The following ADAMTS6 variants were observed in gnomAD, a reference collection of about 807,000 sequenced individuals.
The protein encoded by ADAMTS6 is A disintegrin and metalloproteinase with thrombospondin motifs 6.
In ADAMTS6, 23 loss-of-function variants were observed where a neutral mutation model predicts 144.3. The observed-to-expected ratio is 0.16, with a 90% CI of 0.11 to 0.23. The LOEUF (loss-of-function observed/expected upper bound fraction) is 0.23. ADAMTS6 is among the 10% of genes least tolerant of loss of function. The pLI is 1.00. For missense variants in ADAMTS6, 999 were observed against 1,379.6 expected (o/e 0.72, Z 4.37); for synonymous variants, 444 against 457.5 (o/e 0.97, Z 0.38).
At chr5:65,395,031 G>T (rs752460806) in intron 7 of ADAMTS6, among the ~76,000 whole-genome samples, 1 of 152,026 alleles carries the variant, frequency 6.6e-6, no homozygotes, top group Non-Finnish European at 1.5e-5. Flanking sequence ...AGGGGAAAAA[G>T]TATTTAATTC....
chr5:65,455,676 A>G (rs867074027), intron 4 of ADAMTS6, among the ~76,000 whole-genome samples: 2 of 151,936 alleles, frequency 1.3e-5, no homozygotes, highest in African/African-American at 4.8e-5. Flanking sequence ...GGTGGCACAC[A>G]TCTGTAGTCC....
intron 9 of ADAMTS6, among the ~76,000 whole-genome samples, chr5:65,325,265 A>T (rs1310305959): frequency 6.6e-6 from 1 of 152,194 alleles, no homozygotes; most frequent in East Asian, 1.9e-4. Flanking sequence ...AACCATATAC[A>T]GAATGGGTGC....
At chr5:65,470,200 A>G (rs1359329850) in intron 3 of ADAMTS6, among the ~76,000 whole-genome samples, 1 of 152,240 alleles carries the variant, frequency 6.6e-6, no homozygotes, top group Non-Finnish European at 1.5e-5. Context: ...CTGGGATTAC[A>G]GACATGAGCC....
In ADAMTS6 at chr5:65,214,964, A is replaced by G; in HGVS notation, c.2437-32T>C. 6.3e-7 allele frequency: 1 copy of G among 1,598,342 alleles called. No individual in the cohort carries two copies. The highest frequency in any genetic ancestry group is 8.5e-7 in the Non-Finnish European group (1 of 1,172,780). ...TTGAAAACAACTGGTGAAGACAATT[A>G]AAATACAATGAGCCTTCATTCAGAT... On this transcript the variant is annotated intron_variant, in intron 19 of 24. Coordinates refer to ENST00000381055, the MANE Select transcript of ADAMTS6 (RefSeq NM_197941.4). The surrounding 1 kb of genome is among the most constrained non-coding windows in gnomAD (Gnocchi z 4.6).
chr5:65,170,673 G>A lies in ADAMTS6; in HGVS notation c.3188C>T (p.Pro1063Leu), dbSNP rs950163061. ...SSDCLETVRP[P>L]SMQQCESKCD... ...TTTGCTTTCACACTGCTGCATTGAT[G>A]GAGGCCGAACAGTTTCTAGACAGTC... Residue 1063 changes from proline (P) to leucine (L), a missense_variant, in exon 24 of 25, where the codon CCA (proline) becomes CTA (leucine). Pro to Leu is a moderately conservative substitution (Grantham distance 98, BLOSUM62 -3). This residue lies in a region of ADAMTS6 where 619 missense variants were observed against 837.0 expected (regional missense o/e 0.74). Transcript: ENST00000381055. The A allele has an allele frequency of 3.1e-6, 5 of 1,614,092 alleles. No homozygotes were observed. The highest frequency in any genetic ancestry group is 1.7e-4 in the Middle Eastern group (1 of 6,060).
chr5:65,319,517 C>CAAAA (rs773263244), intron 9 of ADAMTS6, among the ~76,000 whole-genome samples: 1 of 124,574 alleles, frequency 8.0e-6, no homozygotes, highest in Non-Finnish European at 1.7e-5. Flanking sequence ...CCATATCTAC[C>CAAAA]AAAAAAAAAA....
At position 65,397,968 on chromosome 5, in the gene ADAMTS6, A is replaced by G. The variant is rs184643007; in HGVS notation, c.1073+53507T>C. Among the ~76,000 whole-genome samples, 10 of 151,856 alleles carry G rather than the reference A, an allele frequency of 6.6e-5. No homozygotes were observed. The East Asian group carries it at 1.9e-3, about 29-fold the overall frequency. ...CTTGCTGTGATTGATTTCTAGATTAATTCCATGTGGTTTGAGAACAGATAT... is the reference window on the plus strand; with the variant it reads ...CTTGCTGTGATTGATTTCTAGATTAGTTCCATGTGGTTTGAGAACAGATAT... On this transcript the variant is annotated intron_variant, in intron 7 of 24. Coordinates refer to ENST00000381055, the MANE Select transcript of ADAMTS6 (RefSeq NM_197941.4).
chr5:65,370,402 A>C (rs772063595), intron 7 of ADAMTS6, among the ~76,000 whole-genome samples: 3 of 152,154 alleles, frequency 2.0e-5, no homozygotes, highest in Non-Finnish European at 2.9e-5. Context: ...CAGCGCGCGC[A>C]GGTCAGTGGG....
At chr5:65,345,623 A>C (rs1044012361) in intron 7 of ADAMTS6, among the ~76,000 whole-genome samples, 1 of 151,814 alleles carries the variant, frequency 6.6e-6, no homozygotes, top group African/African-American at 2.4e-5. Context: ...TATAATCAGG[A>C]AAGGTTTGAT....
At position 65,451,462 on chromosome 5, in the gene ADAMTS6, C is replaced by A; in HGVS notation, c.1073+13G>T. The stretch of plus-strand genomic sequence containing the variant: ...ACAACAATCAATGGAAAAATACTTG[C>A]AACAAACCATACCTAGTAATAAGAA... On this transcript the variant is annotated intron_variant, in intron 7 of 24. Coordinates refer to ENST00000381055, the MANE Select transcript of ADAMTS6 (RefSeq NM_197941.4). 1 of 1,612,156 alleles carries A rather than the reference C, an allele frequency of 6.2e-7. No homozygotes were observed. Among genetic ancestry groups the A allele is most frequent in the Non-Finnish European group, 8.5e-7 (1 of 1,179,364 alleles).
chr5:65,417,342 C>CAT lies in ADAMTS6; in HGVS notation c.1073+34131_1073+34132dup, dbSNP rs545141647. On this transcript the variant is annotated intron_variant, in intron 7 of 24. Transcript: ENST00000381055. Reference sequence around the variant, plus strand: ...ATAAGACAAGGATGACCACTCTCACCATTCCTATTCAACATAGTATTGGAA... The same window carrying CAT: ...ATAAGACAAGGATGACCACTCTCACCATATTCCTATTCAACATAGTATTGGAA... 9.8e-5 allele frequency among the ~76,000 whole-genome samples: 15 copies of CAT among 152,306 alleles called. No individual in the cohort carries two copies. In the East Asian group the frequency reaches 2.7e-3, roughly 27 times the overall value.
intron 7 of ADAMTS6, among the ~76,000 whole-genome samples, chr5:65,391,442 ACACACACAC>A (rs1752905868): frequency 6.6e-6 from 1 of 151,764 alleles, no homozygotes; most frequent in Non-Finnish European, 1.5e-5. Context: ...ACACACACAC[ACACACACAC>A]TTTTTTTTCT....
intron 9 of ADAMTS6, among the ~76,000 whole-genome samples, chr5:65,316,895 G>C (rs1490788017): frequency 6.6e-6 from 1 of 151,894 alleles, no homozygotes; most frequent in Non-Finnish European, 1.5e-5. Flanking sequence ...TCTGCCTCCT[G>C]GGTTCAAGCC....
intron 22 of ADAMTS6, among the ~76,000 whole-genome samples, chr5:65,181,329 C>A (rs1015408009): frequency 2.6e-5 from 4 of 152,144 alleles, no homozygotes; most frequent in Non-Finnish European, 4.4e-5. Flanking sequence ...TTGTTTTAAT[C>A]CTCTTCGCTT....
intron 7 of ADAMTS6, among the ~76,000 whole-genome samples, chr5:65,427,296 T>TTTA (rs559034509): frequency 3.3e-5 from 5 of 152,030 alleles, no homozygotes; most frequent in East Asian, 1.9e-4. Flanking sequence ...TTAATTTTAT[T>TTTA]TTATTATTAT....
intron 9 of ADAMTS6, among the ~76,000 whole-genome samples, chr5:65,325,535 A>ATC: frequency 6.6e-6 from 1 of 151,124 alleles, no homozygotes; most frequent in African/African-American, 2.4e-5. Context: ...TGTCACCCAG[A>ATC]ATGGAGTGCG....
intron 4 of ADAMTS6, 56 bp downstream of exon 4, chr5:65,460,114 A>T: frequency 6.4e-7 from 1 of 1,558,248 alleles, no homozygotes; most frequent in Non-Finnish European, 8.7e-7. Context: ...TGCCAGAAGA[A>T]AGAAAAAGCA....
intron 7 of ADAMTS6, among the ~76,000 whole-genome samples, chr5:65,412,588 C>T: frequency 6.6e-6 from 1 of 152,082 alleles, no homozygotes; most frequent in Non-Finnish European, 1.5e-5. Flanking sequence ...TCACTGATAA[C>T]ATGTCACTAC....
intron 1 of ADAMTS6, 134 bp downstream of exon 1, chr5:65,481,209 T>C (rs1261340470): frequency 7.6e-5 from 10 of 131,634 alleles, no homozygotes; most frequent in South Asian, 4.9e-4. Context: ...AGCTCACTCA[T>C]TGCCATTAAA....
Sources: gnomAD v4.1 joint callset for allele counts (sites outside exome capture counted in the v4.1 genomes callset) on GRCh38, gnomAD v4.1.1 for gene constraint, gnomAD v4.1.1 regional missense constraint, Gnocchi (gnomAD v3.1) non-coding constraint, MANE v1.5 for transcripts, NCBI Gene and HGNC (gene_info 2026-07-23, HGNC 2026-07-21) for gene names.